FMNL2: variants seen among roughly 807,000 people sequenced by gnomAD.
The protein encoded by FMNL2 is formin-like protein 2.
Under a neutral mutation model 130.2 loss-of-function variants are expected in FMNL2, and 51 were observed. The observed-to-expected ratio is 0.39, with a 90% confidence interval of 0.31 to 0.49. The LOEUF is 0.49. Ranked by LOEUF, FMNL2 falls within the 20% of genes least tolerant of loss-of-function variation. The pLI is 0.85. For missense variants in FMNL2, 977 were observed against 1,316.2 expected, an observed-to-expected ratio of 0.74 and a Z score of 3.99; for synonymous variants, 465 against 467.1, an observed-to-expected ratio of 1.00 and a Z score of 0.06.
chr2:152,634,473 A>G (rs1682413374), intron 21 of FMNL2, among the ~76,000 whole-genome samples: 1 of 152,164 alleles, frequency 6.6e-6, no homozygotes, highest in Non-Finnish European at 1.5e-5. Context: ...TAATCAAAAC[A>G]GGAACCATTA....
intron 1 of FMNL2, among the ~76,000 whole-genome samples, chr2:152,499,803 T>G (rs1691711376): frequency 6.6e-6 from 1 of 152,216 alleles, no homozygotes; most frequent in East Asian, 1.9e-4. Flanking sequence ...ATACATTCAT[T>G]TATGCACATA....
intron 4 of FMNL2, among the ~76,000 whole-genome samples, chr2:152,551,286 C>A (rs190976620): frequency 2.6e-5 from 4 of 152,272 alleles, no homozygotes; most frequent in African/African-American, 9.6e-5. Flanking sequence ...GTGCAGTCTG[C>A]AAGCAATTGG....
chr2:152,618,756 T>C lies in FMNL2; in HGVS notation c.1315-90T>C, dbSNP rs1161348693. Reference sequence around the variant, plus strand: ...GAATTCCCATTCATATGAGTATCTTTTTTTCTCTTTATCCTCAGTTTGCCA... The same window carrying C: ...GAATTCCCATTCATATGAGTATCTTCTTTTCTCTTTATCCTCAGTTTGCCA... On this transcript the variant is annotated intron_variant, in intron 13 of 25. Transcript: ENST00000288670. The C allele has an allele frequency of 2.5e-6, 3 of 1,178,252 alleles. No individual in the cohort carries two copies. The African/African-American group carries it at 4.6e-5, about 18-fold the overall frequency. The allele number at this position is 1,178,252 out of a possible 1,614,324, so 73.0% of individuals were successfully genotyped here.
At chr2:152,647,769 C>G in intron 25 of FMNL2, 27 bp from the exon 26 acceptor site, 2 of 1,606,822 alleles carry the variant, frequency 1.2e-6, no homozygotes, top group Non-Finnish European at 1.7e-6. Context: ...GGTTGCTATT[C>G]TCTCACTGGC....
intron 20 of FMNL2, among the ~76,000 whole-genome samples, chr2:152,630,378 A>G (rs1328826997): frequency 5.3e-5 from 8 of 152,240 alleles, no homozygotes; most frequent in Non-Finnish European, 1.2e-4. Context: ...GAAATAGGTT[A>G]AAATATTAGC....
intron 7 of FMNL2, among the ~76,000 whole-genome samples, chr2:152,575,530 C>T (rs543575629): frequency 1.1e-4 from 17 of 151,910 alleles, no homozygotes; most frequent in South Asian, 4.2e-4. Flanking sequence ...CAGGATTTAA[C>T]GAGATTCTAT....
chr2:152,390,425 TAAG>T, intron 1 of FMNL2: 1 of 1,167,184 alleles, frequency 8.6e-7, no homozygotes, highest in Non-Finnish European at 1.3e-6. Flanking sequence ...CCAGTGACCC[TAAG>T]ATCAATACCA....
chr2:152,364,261 GTTT>G (rs869062341), intron 1 of FMNL2, among the ~76,000 whole-genome samples: 411 of 24,236 alleles, frequency 0.017, no homozygotes, highest in Middle Eastern at 0.12. Flanking sequence ...AGGTTTGTGT[GTTT>G]TTTTTTTTTT....
At chr2:152,589,191 G>A (rs1417097448) in intron 9 of FMNL2, among the ~76,000 whole-genome samples, 1 of 151,784 alleles carries the variant, frequency 6.6e-6, no homozygotes, top group East Asian at 1.9e-4. Context: ...TACAAATGTA[G>A]AGATGCTTTG....
At chr2:152,631,468 C>T (rs1682163466) in intron 20 of FMNL2, among the ~76,000 whole-genome samples, 3 of 150,712 alleles carry the variant, frequency 2.0e-5, no homozygotes, top group Non-Finnish European at 4.4e-5. Flanking sequence ...CAATAGGCGG[C>T]AGTTAACCTG....
rs957880032 is a variant in FMNL2 at position 152,383,460 on chromosome 2, C to T, written c.117+47740C>T. On this transcript the variant is annotated intron_variant, in intron 1 of 25. Transcript: ENST00000288670. ...AAAATGTTCCGTAAGAGTAACCTGG[C>T]GTGGTGGTGCATGTCTGTAGTCCTA... 5.3e-5 allele frequency among the ~76,000 whole-genome samples: 8 copies of T among 151,502 alleles called. No individual in the cohort carries two copies. The East Asian group carries it at 1.5e-3, about 29-fold the overall frequency.
chr2:152,375,374 G>T (rs933403766), intron 1 of FMNL2, among the ~76,000 whole-genome samples: 3 of 152,188 alleles, frequency 2.0e-5, no homozygotes, highest in Non-Finnish European at 4.4e-5. Flanking sequence ...AACCTTGAAT[G>T]CTCATGCCTG....
rs78856796 is a variant in FMNL2 at position 152,510,512 on chromosome 2, G to A, written c.118-11431G>A. On this transcript the variant is annotated intron_variant, in intron 1 of 25. Coordinates refer to ENST00000288670, the MANE Select transcript of FMNL2 (RefSeq NM_052905.4). ...TTTTTATGACATCTTAAGGAGTTTA[G>A]CAGTTTAAAAAATTATGAAAGTGTT... Among the ~76,000 whole-genome samples the A allele has an allele frequency of 4.7e-4, 71 of 152,280 alleles. 2 individuals are homozygous for A. The East Asian group carries it at 0.013, about 28-fold the overall frequency.
At chr2:152,638,263 C>T (rs1369855152) in intron 23 of FMNL2, among the ~76,000 whole-genome samples, 5 of 152,132 alleles carry the variant, frequency 3.3e-5, no homozygotes, top group South Asian at 2.1e-4. Flanking sequence ...AAGCCTATGA[C>T]GCAAAGAGAC....
At chr2:152,373,002 A>G (rs993531198) in intron 1 of FMNL2, among the ~76,000 whole-genome samples, 1 of 152,208 alleles carries the variant, frequency 6.6e-6, no homozygotes, top group Non-Finnish European at 1.5e-5. Context: ...GAAATCAAAC[A>G]GTCCTGGACC....
chr2:152,614,556 AAC>A (rs1428511679), intron 11 of FMNL2, among the ~76,000 whole-genome samples: 1 of 152,228 alleles, frequency 6.6e-6, no homozygotes, highest in East Asian at 1.9e-4. Flanking sequence ...CATCCTGGCC[AAC>A]AGGGTGAAAC....
chr2:152,590,381 G>A (rs190437162), intron 9 of FMNL2, among the ~76,000 whole-genome samples: 95 of 152,182 alleles, frequency 6.2e-4, no homozygotes, highest in African/African-American at 2.2e-3. Context: ...ACTTTGGGAG[G>A]CCAAGGCAGG....
chr2:152,387,913 C>T (rs987242752), intron 1 of FMNL2, among the ~76,000 whole-genome samples: 17 of 151,924 alleles, frequency 1.1e-4, no homozygotes, highest in Non-Finnish European at 2.4e-4. Context: ...CTCAACCTAC[C>T]GAAGCACTGG....
At chr2:152,354,477 A>T (rs2105788102) in intron 1 of FMNL2, among the ~76,000 whole-genome samples, 1 of 152,328 alleles carries the variant, frequency 6.6e-6, no homozygotes, top group Non-Finnish European at 1.5e-5. Context: ...GACATTACAG[A>T]TTACATTCCC....
Sources: allele counts gnomAD v4.1 joint callset (sites outside exome capture counted in the v4.1 genomes callset), GRCh38; gene constraint gnomAD v4.1.1; transcripts MANE v1.5; gene names NCBI Gene and HGNC (gene_info 2026-07-23, HGNC 2026-07-21).